The following ALX4 variants were observed in gnomAD, a reference collection of about 807,000 sequenced individuals.
The protein encoded by ALX4 is homeobox protein aristaless-like 4.
A neutral mutation model predicts 40.6 loss-of-function variants in ALX4; 22 were observed. That is an observed-to-expected ratio of 0.54 (90% CI 0.39 to 0.77). ALX4 has a LOEUF of 0.77. Ranked by LOEUF, ALX4 falls within the 30% of genes least tolerant of loss-of-function variation. ALX4 has a pLI of 0.00. For synonymous variants in ALX4, 266 were observed against 240.5 expected (o/e 1.11, Z -0.98); for missense variants, 556 against 564.8 (o/e 0.98, Z 0.16).
chr11:44,302,897 C>T (rs72909929), intron 1 of ALX4, among the ~76,000 whole-genome samples: 7,138 of 152,296 alleles, frequency 0.047, 232 homozygotes, highest in Non-Finnish European at 0.07. Flanking sequence ...CAGACTGCTA[C>T]CAGCACAGAA....
chr11:44,276,523 C>T (rs1005014819), intron 1 of ALX4, among the ~76,000 whole-genome samples: 1 of 152,230 alleles, frequency 6.6e-6, no homozygotes, highest in African/African-American at 2.4e-5. Context: ...AACCCATACA[C>T]ATCAAGAAAG....
At chr11:44,265,624 G>A (rs572892090) in intron 3 of ALX4, among the ~76,000 whole-genome samples, 14 of 152,258 alleles carry the variant, frequency 9.2e-5, no homozygotes, top group East Asian at 5.8e-4. Context: ...CTTTGGCCTC[G>A]CAGGTTCCCT....
At chr11:44,302,008 A>T (rs1956437650) in intron 1 of ALX4, among the ~76,000 whole-genome samples, 1 of 152,182 alleles carries the variant, frequency 6.6e-6, no homozygotes, top group Non-Finnish European at 1.5e-5. Flanking sequence ...GACTTGCCAC[A>T]GGGAGATTCT....
chr11:44,282,058 A>G (rs1190792048), intron 1 of ALX4, among the ~76,000 whole-genome samples: 1 of 152,232 alleles, frequency 6.6e-6, no homozygotes, highest in Non-Finnish European at 1.5e-5. Context: ...AGGCCAAGGA[A>G]CCATGAGGAC....
chr11:44,276,058 G>A (rs74338264), intron 1 of ALX4, among the ~76,000 whole-genome samples: 10,028 of 152,208 alleles, frequency 0.066, 411 homozygotes, highest in African/African-American at 0.11. Context: ...TGGCCTCCCT[G>A]GGTGGAAGGG....
rs1399869782 is a variant in ALX4 at position 44,309,625 on chromosome 11, G to A, written c.438C>T (p.His146=). ...SLKLQEGSSG[H]SAALQVPCYA... ...AGCAGGGAACCTGCAAGGCCGCGCT[G>A]TGGCCGCTGCTGCCTTCCTGGAGTT... The change falls in exon 1 of 4, where the codon CAC becomes CAT. Residue 146 remains histidine (H), a synonymous_variant. Transcript: ENST00000652299. The A allele has an allele frequency of 6.3e-7, 1 of 1,589,868 alleles. No homozygotes were observed. Among genetic ancestry groups the A allele is most frequent in the Non-Finnish European group, 8.5e-7 (1 of 1,175,610 alleles).
At chr11:44,279,720 C>T (rs1956297845) in intron 1 of ALX4, among the ~76,000 whole-genome samples, 1 of 152,216 alleles carries the variant, frequency 6.6e-6, no homozygotes, top group Admixed American at 6.5e-5. Flanking sequence ...CAGATTGTGA[C>T]TGTTTTCCAT....
Position 44,264,759 on chromosome 11 carries a change from T to A in ALX4, c.*95A>T. 3 of 1,429,720 alleles carry A rather than the reference T, an allele frequency of 2.1e-6. No individual in the cohort carries two copies. The highest frequency in any genetic ancestry group is 2.9e-6 in the Non-Finnish European group (3 of 1,047,194). 88.6% of individuals were successfully genotyped at this position (1,429,720 alleles called of 1,614,324 possible). On this transcript the variant is annotated 3_prime_UTR_variant, in exon 4 of 4. Transcript: ENST00000652299. ...GGTCAGGCCCCTGGCCCAGGCCAGG[T>A]TCCTAAGAGGAAAGTCGAGTGGGAG...
chr11:44,289,748 G>T (rs764353440), intron 1 of ALX4, among the ~76,000 whole-genome samples: 3 of 152,136 alleles, frequency 2.0e-5, no homozygotes, highest in Admixed American at 6.5e-5. Context: ...TGCCTCCTGG[G>T]GTGGGATGGG....
At chr11:44,281,813 G>A (rs955320050) in intron 1 of ALX4, among the ~76,000 whole-genome samples, 3 of 152,156 alleles carry the variant, frequency 2.0e-5, no homozygotes, top group South Asian at 4.1e-4. Flanking sequence ...TGCCAAAGGG[G>A]TAGTAGTGAC....
chr11:44,277,301 C>T (rs1956283641), intron 1 of ALX4, among the ~76,000 whole-genome samples: 1 of 152,220 alleles, frequency 6.6e-6, no homozygotes, highest in Admixed American at 6.5e-5. Context: ...GGCACAGGAG[C>T]ATGTGCAGGG....
intron 2 of ALX4, 145 bp downstream of exon 2, chr11:44,275,203 G>A: frequency 3.7e-6 from 3 of 810,718 alleles, no homozygotes; most frequent in Non-Finnish European, 4.1e-6. Flanking sequence ...GGCAGGCTAG[G>A]AGCCCCCACT....
chr11:44,305,494 C>A (rs1214802244), intron 1 of ALX4, among the ~76,000 whole-genome samples: 1 of 152,234 alleles, frequency 6.6e-6, no homozygotes, highest in Admixed American at 6.5e-5. Context: ...CCCACAGTCA[C>A]CCACAGCAGC....
chr11:44,297,428 G>T (rs911781299), intron 1 of ALX4, among the ~76,000 whole-genome samples: 2 of 152,092 alleles, frequency 1.3e-5, no homozygotes, highest in African/African-American at 2.4e-5. Context: ...GAAAATAAAT[G>T]GCCCAGGGGC....
chr11:44,261,621 G>C lies in ALX4; in HGVS notation c.*3233C>G, dbSNP rs767228404. The C allele has an allele frequency of 2.6e-5, 4 of 152,174 alleles. No individual in the cohort carries two copies. The highest frequency in any genetic ancestry group is 9.7e-5 in the African/African-American group (4 of 41,434). The allele number at this position is 152,174 out of a possible 1,614,324, so 9.4% of individuals were successfully genotyped here. The stretch of plus-strand genomic sequence containing the variant: ...GCTCCCATGCCCCAGGAGTAGTGCT[G>C]GCATCTGGAGGGCAGTAGCAGCACC... On this transcript the variant is annotated 3_prime_UTR_variant, in exon 4 of 4. Coordinates refer to ENST00000652299, the MANE Select transcript of ALX4 (RefSeq NM_021926.4).
intron 1 of ALX4, among the ~76,000 whole-genome samples, chr11:44,276,109 G>T (rs190490033): frequency 1.2e-4 from 18 of 152,274 alleles, no homozygotes; most frequent in African/African-American, 4.3e-4. Flanking sequence ...TGGGGCTTGG[G>T]GTGAGGAGGA....
rs578190084 is a variant in ALX4 at position 44,271,165 on chromosome 11, A to G, written c.778-3543T>C. Among the ~76,000 whole-genome samples the G allele has an allele frequency of 2.2e-3, 294 of 134,966 alleles. 1 individual carries two copies. The highest frequency in any genetic ancestry group is 8.0e-3 in the African/African-American group (280 of 35,070). The allele number at this position is 134,966 out of a possible 152,430, so 88.5% of individuals were successfully genotyped here. A position where few individuals can be genotyped will look rare whatever the true frequency, so the allele number is the denominator to read the frequency against. On this transcript the variant is annotated intron_variant, in intron 2 of 3. Transcript: ENST00000652299. Reference sequence around the variant, plus strand: ...TCCATCACCACCCCCTTACCCCCCCAGGGCACTGCCAGGCTTAGGGCTCAA... The same window carrying G: ...TCCATCACCACCCCCTTACCCCCCCGGGGCACTGCCAGGCTTAGGGCTCAA...
chr11:44,299,878 A>G (rs1378853355), intron 1 of ALX4, among the ~76,000 whole-genome samples: 1 of 152,078 alleles, frequency 6.6e-6, no homozygotes, highest in African/African-American at 2.4e-5. Flanking sequence ...CGAAATGGGG[A>G]TGATAATAGT....
In ALX4 at chr11:44,297,296, T is replaced by G. The variant is rs568791223; in HGVS notation, c.466+12301A>C. On this transcript the variant is annotated intron_variant, in intron 1 of 3. Transcript: ENST00000652299. Reference sequence around the variant, plus strand: ...ATAAAAAGTTCATTCTTAATTAAAATAAAGATTTTGAATGCAAAAAGCAAA... The same window carrying G: ...ATAAAAAGTTCATTCTTAATTAAAAGAAAGATTTTGAATGCAAAAAGCAAA... Among the ~76,000 whole-genome samples the G allele has an allele frequency of 3.3e-5, 5 of 152,304 alleles. No individual in the cohort carries two copies. The South Asian group carries it at 1.0e-3, about 32-fold the overall frequency.
Sources: allele counts gnomAD v4.1 joint callset (sites outside exome capture counted in the v4.1 genomes callset), GRCh38; gene constraint gnomAD v4.1.1; transcripts MANE v1.5; gene names NCBI Gene and HGNC (gene_info 2026-07-23, HGNC 2026-07-21).